The following HAVCR2 variants were observed in gnomAD, a reference collection of about 807,000 sequenced individuals.
The protein encoded by HAVCR2 is hepatitis A virus cellular receptor 2.
Under a neutral mutation model 24.7 loss-of-function variants are expected in HAVCR2, and 13 were observed. The ratio of observed to expected loss-of-function variants is 0.53; its 90% CI spans 0.34 to 0.84. The LOEUF (loss-of-function observed/expected upper bound fraction) is 0.84. HAVCR2 is among the 40% of genes least tolerant of loss of function. HAVCR2 has a pLI of 0.01. For missense variants in HAVCR2, 343 were observed against 371.2 expected, an observed-to-expected ratio of 0.92 and a Z score of 0.62; for synonymous variants, 154 against 143.4, an observed-to-expected ratio of 1.07 and a Z score of -0.53.
Position 157,098,864 on chromosome 5 carries a change from A to T in HAVCR2, c.516T>A (p.Asn172Lys), listed in dbSNP as rs773490052. The T allele has an allele frequency of 5.6e-6, 9 of 1,612,960 alleles. No individual in the cohort carries two copies. In the African/African-American group the frequency reaches 9.3e-5, roughly 17 times the overall value. ...CACAAAAAAAGTTACTTACTGTTAG[A>T]TTTATATCAGGGAGGCTCCCCAGTG... Reference protein sequence around the residue: ...TQTLGSLPDINLTQISTLANE... With the variant: ...TQTLGSLPDIKLTQISTLANE... Residue 172 changes from asparagine (N) to lysine (K), a missense_variant, in exon 4 of 7, where the codon AAT becomes AAA. By Grantham distance (94) the Asn-to-Lys change is moderately conservative. Coordinates refer to ENST00000307851, the MANE Select transcript of HAVCR2 (RefSeq NM_032782.5).
In HAVCR2 at chr5:157,098,776, C is replaced by A. The variant is rs920964697; in HGVS notation, c.522+82G>T. ...AACTTAAGGCTTTTTACCCCAAGGA[C>A]AAGGTGGGCATGAAGGAAGTCTAAA... On this transcript the variant is annotated intron_variant, in intron 4 of 6. Transcript: ENST00000307851. 7.0e-6 allele frequency: 9 copies of A among 1,284,998 alleles called. No homozygotes were observed. The South Asian group carries it at 1.2e-4, about 17-fold the overall frequency. 79.6% of individuals were successfully genotyped at this position (1,284,998 alleles called of 1,614,324 possible). A position where few individuals can be genotyped will look rare whatever the true frequency, so the allele number is the denominator to read the frequency against.
intron 3 of HAVCR2, among the ~76,000 whole-genome samples, chr5:157,103,336 A>C (rs1757198005): frequency 2.0e-5 from 3 of 151,004 alleles, no homozygotes; most frequent in African/African-American, 7.3e-5. Context: ...GCGCCACTGC[A>C]CTCTAGTCTG....
intron 6 of HAVCR2, 99 bp from the exon 7 acceptor site, chr5:157,087,393 T>A: frequency 1.1e-6 from 1 of 944,670 alleles, no homozygotes; most frequent in East Asian, 2.6e-5. Context: ...CAACTAAATA[T>A]AGTGCATGAT....
chr5:157,087,164 A>C lies in HAVCR2; in HGVS notation c.844T>G (p.Cys282Gly), dbSNP rs1475554416. The change falls in exon 7 of 7, where the codon TGC becomes GGC. Residue 282 changes from cysteine (C) to glycine (G), a missense_variant. Physicochemically the swap from Cys to Gly is radical, Grantham distance 159. Transcript: ENST00000307851. ...GGTTGCTGCCTGCTGCTGACATAGC[A>C]ATAATACTCATTGGGCTCCTCCACT... is the stretch of plus-strand genomic sequence containing the variant. ...YEVEEPNEYYCYVSSRQQPSQ... is the reference protein window; with the variant it reads ...YEVEEPNEYYGYVSSRQQPSQ... The C allele has an allele frequency of 8.1e-6, 13 of 1,614,034 alleles. No homozygotes were observed. The Admixed American group carries it at 2.0e-4, about 25-fold the overall frequency.
In HAVCR2 at chr5:157,087,232, C is replaced by T. The variant is rs138681649; in HGVS notation, c.776G>A (p.Arg259His). 1,408 of 1,613,762 alleles carry T rather than the reference C, an allele frequency of 8.7e-4. No individual in the cohort carries two copies. The highest frequency in any genetic ancestry group is 2.3e-3 in the Middle Eastern group (14 of 6,062). ...GLANAVAEGI[R>H]SEENIYTIEE... The stretch of plus-strand genomic sequence containing the variant: ...AATGGTATAGATGTTTTCTTCTGAG[C>T]GAATTCCCTCTGCTACTGCATTTGC... Residue 259 changes from arginine to histidine, a missense_variant, in exon 7 of 7, where the codon CGC becomes CAC. Transcript: ENST00000307851.
At chr5:157,092,651 G>A (rs1449574870) in intron 5 of HAVCR2, among the ~76,000 whole-genome samples, 1 of 151,450 alleles carries the variant, frequency 6.6e-6, no homozygotes, top group Non-Finnish European at 1.5e-5. Flanking sequence ...TCTCCACGTT[G>A]GTCAGGCTGG....
chr5:157,096,368 C>T (rs1353540271), intron 4 of HAVCR2, among the ~76,000 whole-genome samples: 2 of 152,022 alleles, frequency 1.3e-5, no homozygotes, highest in Non-Finnish European at 2.9e-5. Context: ...TTCAATCAAT[C>T]GTAGCTATTA....
chr5:157,090,573 G>A (rs552775984), intron 5 of HAVCR2, among the ~76,000 whole-genome samples: 1 of 152,110 alleles, frequency 6.6e-6, no homozygotes, highest in South Asian at 2.1e-4. Flanking sequence ...CAGCCTGGGT[G>A]AATCTCAATA....
At chr5:157,098,103 C>G (rs1757118665) in intron 4 of HAVCR2, among the ~76,000 whole-genome samples, 1 of 151,820 alleles carries the variant, frequency 6.6e-6, no homozygotes, top group Admixed American at 6.6e-5. Context: ...GAAACCCTGT[C>G]TCTACTAAAA....
chr5:157,093,520 G>A (rs748732409), intron 5 of HAVCR2, among the ~76,000 whole-genome samples: 9 of 152,086 alleles, frequency 5.9e-5, no homozygotes, highest in Non-Finnish European at 1.2e-4. Flanking sequence ...GAGCTAATCT[G>A]AGGTGATTGC....
intron 5 of HAVCR2, among the ~76,000 whole-genome samples, chr5:157,092,872 C>G (rs1319860828): frequency 1.8e-5 from 1 of 54,904 alleles, no homozygotes; most frequent in Non-Finnish European, 3.4e-5. Flanking sequence ...AAAACCCTGT[C>G]TCTACCAAAA....
At chr5:157,090,915 T>C (rs947398288) in intron 5 of HAVCR2, among the ~76,000 whole-genome samples, 3 of 151,936 alleles carry the variant, frequency 2.0e-5, no homozygotes, top group African/African-American at 7.3e-5. Flanking sequence ...AGCAAGATCA[T>C]AGTTCATAGC....
intron 5 of HAVCR2, among the ~76,000 whole-genome samples, chr5:157,092,532 C>T (rs1336132334): frequency 1.3e-5 from 2 of 151,902 alleles, no homozygotes; most frequent in African/African-American, 2.4e-5. Flanking sequence ...CTGCAACCTC[C>T]GCCTCCTGGG....
intron 2 of HAVCR2, 180 bp downstream of exon 2, chr5:157,106,447 A>G (rs557987169): frequency 2.7e-4 from 167 of 609,290 alleles, no homozygotes; most frequent in Non-Finnish European, 4.3e-4. Context: ...TGAGTTTTAA[A>G]ACAGAGAGAA....
intron 3 of HAVCR2, among the ~76,000 whole-genome samples, chr5:157,101,078 G>A (rs1373832765): frequency 6.6e-6 from 1 of 152,054 alleles, no homozygotes; most frequent in Non-Finnish European, 1.5e-5. Context: ...CCTGGTGACA[G>A]AGCAAGACTC....
intron 2 of HAVCR2, chr5:157,106,351 C>T (rs568908576): frequency 1.9e-4 from 73 of 387,886 alleles, no homozygotes; most frequent in African/African-American, 8.7e-4. Context: ...AGGCTGGTCT[C>T]GAATTCCTGA....
At position 157,104,819 on chromosome 5, in the gene HAVCR2, G is replaced by A; in HGVS notation, c.395-70C>T. ...AAAGCTTATTTCAGGGAATCAAAGG[G>A]GCAGCAAGAAAAAAATGCGAAAGAC... On this transcript the variant is annotated intron_variant, in intron 2 of 6. Transcript: ENST00000307851. 6.3e-6 allele frequency: 7 copies of A among 1,116,482 alleles called. No homozygotes were observed. In the Admixed American group the frequency reaches 6.8e-5, roughly 11 times the overall value. 69.2% of individuals were successfully genotyped at this position (1,116,482 alleles called of 1,614,324 possible).
intron 6 of HAVCR2, among the ~76,000 whole-genome samples, chr5:157,088,054 C>T (rs984528953): frequency 6.6e-5 from 10 of 152,146 alleles, no homozygotes; most frequent in Admixed American, 1.3e-4. Context: ...ATCTCCTGTG[C>T]TCCAGCAATC....
At position 157,086,966 on chromosome 5, in the gene HAVCR2, T is replaced by G; in HGVS notation, c.*136A>C. ...AGTGCAGGTCCCAGTTCAATTCCCA[T>G]GTGAGTCATTATCTTCTGAAAATGG... On this transcript the variant is annotated 3_prime_UTR_variant, in exon 7 of 7. Coordinates refer to ENST00000307851, the MANE Select transcript of HAVCR2 (RefSeq NM_032782.5). 1.4e-6 allele frequency: 1 copy of G among 710,968 alleles called. No individual in the cohort carries two copies. Among genetic ancestry groups the G allele is most frequent in the East Asian group, 2.7e-5 (1 of 36,376 alleles). The allele number at this position is 710,968 out of a possible 1,614,324, so 44.0% of individuals were successfully genotyped here. A position where few individuals can be genotyped will look rare whatever the true frequency, so the allele number is the denominator to read the frequency against.
Sources: allele counts gnomAD v4.1 joint callset (sites outside exome capture counted in the v4.1 genomes callset), GRCh38; gene constraint gnomAD v4.1.1; transcripts MANE v1.5; gene names NCBI Gene and HGNC (gene_info 2026-07-23, HGNC 2026-07-21).